The following AKAP13 variants were observed in gnomAD, a reference collection of about 807,000 sequenced individuals.
The protein encoded by AKAP13 is A-kinase anchoring protein 13, also known as A-kinase anchor protein 13.
AKAP13 carries 80 observed loss-of-function variants against 264.5 expected under a neutral mutation model. The observed-to-expected ratio is 0.30, with a 90% CI of 0.25 to 0.36. The LOEUF (loss-of-function observed/expected upper bound fraction) is 0.36. Ranked by LOEUF, AKAP13 falls within the 10% of genes least tolerant of loss-of-function variation. AKAP13 has a pLI of 1.00. For synonymous variants in AKAP13, 1,380 were observed against 1,250.2 expected (o/e 1.10, Z -2.19); for missense variants, 3,712 against 3,435.2 (o/e 1.08, Z -2.01).
intron 5 of AKAP13, among the ~76,000 whole-genome samples, chr15:85,552,628 C>CT (rs55743971): frequency 0.7 from 87,497 of 124,918 alleles, 33,001 homozygotes; most frequent in Non-Finnish European, 0.83. Context: ...TTTTTTTGGC[C>CT]TTTTTTTTTT....
intron 8 of AKAP13, among the ~76,000 whole-genome samples, chr15:85,630,166 TACACACACACACACACACAC>T: frequency 1.0e-5 from 1 of 100,186 alleles, no homozygotes; most frequent in South Asian, 3.5e-4. Flanking sequence ...TTTTAACACA[TACACACACACACACACACAC>T]ACACACACAC....
At position 85,718,936 on chromosome 15, in the gene AKAP13, T is replaced by G; in HGVS notation, c.6002-140T>G. ...AAAAAACAAAAAAACGAGAACACTT[T>G]TAGGGGAAAGATAGCTGTTGACCCA... On this transcript the variant is annotated intron_variant, in intron 22 of 36. Transcript: ENST00000394518. This position sits in a 1 kb window ranked among gnomAD's most constrained non-coding sequence, Gnocchi z 4.9. The G allele has an allele frequency of 1.7e-6, 2 of 1,207,822 alleles. No individual in the cohort carries two copies. Among genetic ancestry groups the G allele is most frequent in the Non-Finnish European group, 1.1e-6 (1 of 873,002 alleles). The allele number at this position is 1,207,822 out of a possible 1,614,324, so 74.8% of individuals were successfully genotyped here.
intron 8 of AKAP13, among the ~76,000 whole-genome samples, chr15:85,596,661 A>G (rs989150651): frequency 2.0e-5 from 3 of 152,200 alleles, no homozygotes; most frequent in Non-Finnish European, 4.4e-5. Flanking sequence ...CAGACTTTTC[A>G]CATGTGATTT....
intron 34 of AKAP13, 99 bp from the exon 35 acceptor site, chr15:85,740,947 C>A: frequency 6.6e-7 from 1 of 1,505,136 alleles, no homozygotes. Context: ...TCTAGTCCGT[C>A]ATAGTGCCTG....
chr15:85,707,922 C>A (rs1046376476), intron 17 of AKAP13, 97 bp from the exon 18 acceptor site: 3 of 1,216,542 alleles, frequency 2.5e-6, no homozygotes, highest in Non-Finnish European at 3.6e-6. Context: ...AGTGACTTCA[C>A]TTTGAAATTC....
chr15:85,623,305 G>A (rs2081274869), intron 8 of AKAP13, among the ~76,000 whole-genome samples: 1 of 152,170 alleles, frequency 6.6e-6, no homozygotes, highest in African/African-American at 2.4e-5. Context: ...GGATTCATAA[G>A]CATCATGTTA....
chr15:85,409,337 C>T lies in AKAP13; in HGVS notation c.-12+28539C>T. ...GGATGAAAGAGTGCACCACCACACCCAGCTAATTTTTTGTATTTTTAGTGG... is the reference window on the plus strand; with the variant it reads ...GGATGAAAGAGTGCACCACCACACCTAGCTAATTTTTTGTATTTTTAGTGG... On this transcript the variant is annotated intron_variant, in intron 1 of 36. Transcript: ENST00000394518. 2.0e-5 allele frequency among the ~76,000 whole-genome samples: 3 copies of T among 151,658 alleles called. 1 individual carries two copies. The East Asian group carries it at 5.8e-4, about 29-fold the overall frequency.
Position 85,693,447 on chromosome 15 carries a change from T to C in AKAP13, c.5460T>C (p.Cys1820=). 1 of 1,612,128 alleles carries C rather than the reference T, an allele frequency of 6.2e-7. No individual in the cohort carries two copies. The highest frequency in any genetic ancestry group is 8.5e-7 in the Non-Finnish European group (1 of 1,179,524). ...TCACCAACAAAGATGCCTATACTTG[T>C]GCAAGTAAGAGACATGCTTCTTCCT... ...KPFTNKDAYT[C]ANCSAFVHKG... is the part of the protein sequence containing the mutation. The change falls in exon 17 of 37, where the codon TGT becomes TGC. Residue 1820 remains cysteine, a synonymous_variant. Coordinates refer to ENST00000394518, the MANE Select transcript of AKAP13 (RefSeq NM_007200.5).
At chr15:85,386,045 G>C (rs1321367224) in intron 1 of AKAP13, among the ~76,000 whole-genome samples, 1 of 152,046 alleles carries the variant, frequency 6.6e-6, no homozygotes, top group African/African-American at 2.4e-5. Flanking sequence ...GGCTGATCTT[G>C]AACTCCTAAC....
At chr15:85,643,019 T>TG (rs2082380468) in intron 9 of AKAP13, among the ~76,000 whole-genome samples, 1 of 121,560 alleles carries the variant, frequency 8.2e-6, no homozygotes, top group Non-Finnish European at 1.7e-5. Context: ...CTAGGAAACG[T>TG]GAAAAAAAAA....
At chr15:85,504,072 C>G (rs1392911452) in intron 2 of AKAP13, among the ~76,000 whole-genome samples, 1 of 152,166 alleles carries the variant, frequency 6.6e-6, no homozygotes, top group Middle Eastern at 3.4e-3. Context: ...TGGAGGCCAG[C>G]TTAGAAGCCT....
Position 85,580,490 on chromosome 15 carries a change from C to A in AKAP13, c.2422C>A (p.Gln808Lys), listed in dbSNP as rs79141444. ...KDDALSFVPS[Q>K]KEKGTATPEL... ...TGACGCACTTTCTTTTGTCCCCTCC[C>A]AGAAAGAAAAGGGAACAGCAACTCC... The change falls in exon 7 of 37, where the codon CAG becomes AAG. Residue 808 changes from glutamine (Q) to lysine (K), a missense_variant. Around this residue, in one of 3 missense-constraint regions of AKAP13, gnomAD observed 2,759 missense variants for 2,411.7 expected, o/e 1.14. Coordinates refer to ENST00000394518, the MANE Select transcript of AKAP13 (RefSeq NM_007200.5). The A allele has an allele frequency of 6.2e-7, 1 of 1,614,158 alleles. No individual in the cohort carries two copies. Among genetic ancestry groups the A allele is most frequent in the Non-Finnish European group, 8.5e-7 (1 of 1,180,034 alleles).
In AKAP13 at chr15:85,727,365, GT is replaced by G. The variant is rs905687456; in HGVS notation, c.7005-13del. 1 of 1,614,114 alleles carries G rather than the reference GT, an allele frequency of 6.2e-7. No homozygotes were observed. The highest frequency in any genetic ancestry group is 1.3e-5 in the African/African-American group (1 of 75,032). On this transcript the variant is annotated splice_polypyrimidine_tract_variant and intron_variant, in intron 28 of 36. Transcript: ENST00000394518. This position sits in a 1 kb window ranked among gnomAD's most constrained non-coding sequence, Gnocchi z 5.3. ...TCTTAGGAATTTTTTGTTCTGTCTT[GT>G]TTGGGTTGTATTAGGAACAGAGATG...
At chr15:85,596,252 C>G (rs2079821406) in intron 8 of AKAP13, among the ~76,000 whole-genome samples, 1 of 152,124 alleles carries the variant, frequency 6.6e-6, no homozygotes, top group Non-Finnish European at 1.5e-5. Flanking sequence ...TCTTCTTTTT[C>G]TGTAGTTGGC....
intron 2 of AKAP13, among the ~76,000 whole-genome samples, chr15:85,502,290 C>T (rs1202252902): frequency 6.6e-6 from 1 of 152,148 alleles, no homozygotes; most frequent in Non-Finnish European, 1.5e-5. Flanking sequence ...ATGTATATTA[C>T]AGGATTTTTC....
intron 2 of AKAP13, among the ~76,000 whole-genome samples, chr15:85,504,358 A>G (rs962957014): frequency 6.6e-6 from 1 of 151,644 alleles, no homozygotes; most frequent in African/African-American, 2.4e-5. Flanking sequence ...TAACTCTTTC[A>G]TTAAATTTTT....
intron 1 of AKAP13, among the ~76,000 whole-genome samples, chr15:85,427,903 A>G (rs183522992): frequency 1.1e-3 from 175 of 152,358 alleles, no homozygotes; most frequent in Non-Finnish European, 2.0e-3. Flanking sequence ...AGAAGGCAAC[A>G]ACAGCAGAAT....
chr15:85,689,184 A>T (rs2085119470), intron 16 of AKAP13, among the ~76,000 whole-genome samples: 1 of 152,228 alleles, frequency 6.6e-6, no homozygotes, highest in Non-Finnish European at 1.5e-5. Context: ...CTGCAAGTAT[A>T]CTACATGACT....
rs760417239 is a variant in AKAP13, at chr15:85,521,513, C to G, written c.119C>G (p.Thr40Ser). The change falls in exon 3 of 37, where the codon ACC (threonine) becomes AGC (serine). Residue 40 changes from threonine to serine, a missense_variant. Coordinates refer to ENST00000394518, the MANE Select transcript of AKAP13 (RefSeq NM_007200.5). The part of the protein sequence containing the change: ...VVFYLVFLGS[T>S]LRHCTSTRKV... ...TTTTACTTGGTATTTTTGGGTTCCA[C>G]CCTCCGTCACTGTACAAGTACTCGG... The G allele has an allele frequency of 1.2e-6, 2 of 1,614,166 alleles. No individual in the cohort carries two copies. Among genetic ancestry groups the G allele is most frequent in the South Asian group, 2.2e-5 (2 of 91,080 alleles).
Sources: allele counts gnomAD v4.1 joint callset (sites outside exome capture counted in the v4.1 genomes callset), GRCh38; gene constraint gnomAD v4.1.1; regional missense constraint gnomAD v4.1.1; non-coding constraint Gnocchi (gnomAD v3.1); transcripts MANE v1.5; gene names NCBI Gene and HGNC (gene_info 2026-07-23, HGNC 2026-07-21).